The following SPAG16 variants were observed in gnomAD, a reference collection of about 807,000 sequenced individuals.
SPAG16 encodes sperm-associated antigen 16 protein.
In SPAG16, 86 loss-of-function variants were observed where a neutral mutation model predicts 80.4. The ratio of observed to expected loss-of-function variants is 1.07; its 90% CI spans 0.90 to 1.28. The LOEUF (loss-of-function observed/expected upper bound fraction) is 1.28, where lower values mean the gene tolerates loss of function less well. Ranked by LOEUF, SPAG16 falls within the 50% of genes most tolerant of loss-of-function variation. The pLI, the probability that SPAG16 is intolerant of heterozygous loss-of-function variation, is 0.00. For missense variants in SPAG16, 870 were observed against 765.3 expected, an observed-to-expected ratio of 1.14 and a Z score of -1.61; for synonymous variants, 294 against 265.9, an observed-to-expected ratio of 1.11 and a Z score of -1.03.
At chr2:214,037,332 A>T (rs2048749653) in intron 13 of SPAG16, among the ~76,000 whole-genome samples, 1 of 152,118 alleles carries the variant, frequency 6.6e-6, no homozygotes, top group East Asian at 1.9e-4. Flanking sequence ...TTGATTATTT[A>T]TTCCAATCGT....
chr2:213,463,976 G>T (rs910399469), intron 9 of SPAG16, among the ~76,000 whole-genome samples: 2 of 152,178 alleles, frequency 1.3e-5, no homozygotes, highest in Admixed American at 1.3e-4. Context: ...CTCCCAATCT[G>T]GGCCTAGAGA....
At chr2:214,249,450 G>A (rs111977041) in intron 15 of SPAG16, among the ~76,000 whole-genome samples, 2,501 of 152,106 alleles carry the variant, frequency 0.016, 42 homozygotes, top group African/African-American at 0.038. Context: ...ATAGGGATGG[G>A]GAGGAGAAGA....
intron 15 of SPAG16, among the ~76,000 whole-genome samples, chr2:214,181,420 C>T (rs2057304402): frequency 6.6e-6 from 1 of 151,696 alleles, no homozygotes; most frequent in South Asian, 2.1e-4. Flanking sequence ...CATCCCAAGG[C>T]ATCCCAGGGG....
At chr2:213,887,548 T>G (rs2042788) in intron 11 of SPAG16, among the ~76,000 whole-genome samples, 1 of 150,956 alleles carries the variant, frequency 6.6e-6, no homozygotes. Flanking sequence ...AACTACTAAA[T>G]GTTTTCATAA....
intron 11 of SPAG16, among the ~76,000 whole-genome samples, chr2:213,928,865 T>G (rs1364108644): frequency 6.6e-6 from 1 of 151,112 alleles, no homozygotes; most frequent in East Asian, 1.9e-4. Context: ...GAAGGATGTG[T>G]AGAAGATGAT....
At chr2:213,839,884 G>A (rs942204700) in intron 10 of SPAG16, among the ~76,000 whole-genome samples, 3 of 152,134 alleles carry the variant, frequency 2.0e-5, no homozygotes, top group Non-Finnish European at 4.4e-5. Flanking sequence ...GCTGTAGAAA[G>A]GAGATGAGGA....
At chr2:213,699,462 G>T (rs1188196691) in intron 10 of SPAG16, among the ~76,000 whole-genome samples, 14 of 152,108 alleles carry the variant, frequency 9.2e-5, no homozygotes, top group Admixed American at 8.5e-4. Flanking sequence ...CCCTAGAAAA[G>T]AAATTTAAAG....
chr2:214,203,451 G>A (rs1379034641), intron 15 of SPAG16, among the ~76,000 whole-genome samples: 5 of 152,154 alleles, frequency 3.3e-5, no homozygotes, highest in Non-Finnish European at 5.9e-5. Context: ...TTTGAAGGAA[G>A]CAGAGCTGCT....
chr2:214,041,845 C>T (rs1391094309), intron 13 of SPAG16, among the ~76,000 whole-genome samples: 3 of 150,272 alleles, frequency 2.0e-5, no homozygotes, highest in Admixed American at 1.3e-4. Context: ...ACAATAACAC[C>T]TTGTGGGAGG....
At chr2:213,555,983 G>A (rs2059411897) in intron 10 of SPAG16, among the ~76,000 whole-genome samples, 1 of 152,022 alleles carries the variant, frequency 6.6e-6, no homozygotes, top group Non-Finnish European at 1.5e-5. Flanking sequence ...TTTATTTTAT[G>A]CAATCAAAGT....
At chr2:214,262,408 G>T (rs1052117964) in intron 15 of SPAG16, among the ~76,000 whole-genome samples, 1 of 151,846 alleles carries the variant, frequency 6.6e-6, no homozygotes, top group South Asian at 2.1e-4. Context: ...CGTAAAAAAA[G>T]ATTTCATGTA....
chr2:214,039,657 A>G (rs1384273978), intron 13 of SPAG16, among the ~76,000 whole-genome samples: 2 of 152,200 alleles, frequency 1.3e-5, no homozygotes, highest in African/African-American at 2.4e-5. Context: ...TTTCCATAGC[A>G]TTGATCCTTG....
At chr2:213,516,920 A>G (rs1437375948) in intron 10 of SPAG16, among the ~76,000 whole-genome samples, 1 of 152,204 alleles carries the variant, frequency 6.6e-6, no homozygotes, top group East Asian at 1.9e-4. Flanking sequence ...ACTGTGATCT[A>G]CCATCACCGT....
chr2:214,323,876 T>G (rs968672128), intron 15 of SPAG16, among the ~76,000 whole-genome samples: 3 of 152,204 alleles, frequency 2.0e-5, no homozygotes, highest in Non-Finnish European at 4.4e-5. Flanking sequence ...ATAAGAAAGG[T>G]AAGAAACATT....
chr2:214,203,936 A>T (rs77537682), intron 15 of SPAG16, among the ~76,000 whole-genome samples: 12,193 of 152,140 alleles, frequency 0.08, 1,105 homozygotes, highest in East Asian at 0.41. Flanking sequence ...TGTTGGAGCA[A>T]GTTCTCAGCT....
At chr2:214,077,183 C>T (rs1319562479) in intron 13 of SPAG16, among the ~76,000 whole-genome samples, 1 of 152,096 alleles carries the variant, frequency 6.6e-6, no homozygotes, top group East Asian at 1.9e-4. Context: ...TAATAACAGG[C>T]AACCACAACC....
At position 213,467,556 on chromosome 2, in the gene SPAG16, A is replaced by C. The variant is rs571175756; in HGVS notation, c.943-22407A>C. On this transcript the variant is annotated intron_variant, in intron 9 of 15. Coordinates refer to ENST00000331683, the MANE Select transcript of SPAG16 (RefSeq NM_024532.5). The stretch of plus-strand genomic sequence containing the variant: ...ATGCCCCTCATAGGCATGCTAAGGG[A>C]GGAGGGGAGGCCTGGACTGGAGAGG... Among the ~76,000 whole-genome samples the C allele has an allele frequency of 7.2e-5, 11 of 152,250 alleles. 1 individual carries two copies. The highest frequency in any genetic ancestry group is 2.6e-4 in the African/African-American group (11 of 41,560).
intron 13 of SPAG16, among the ~76,000 whole-genome samples, chr2:214,020,696 A>G: frequency 6.6e-6 from 1 of 152,164 alleles, no homozygotes; most frequent in East Asian, 1.9e-4. Flanking sequence ...TGCAGGCTGA[A>G]CTTTCAAATT....
intron 12 of SPAG16, among the ~76,000 whole-genome samples, chr2:213,996,620 G>T (rs1202738819): frequency 6.8e-6 from 1 of 146,024 alleles, no homozygotes; most frequent in East Asian, 2.0e-4. Flanking sequence ...TCAGGCTGGA[G>T]TGCAATGGCG....
Sources: gnomAD v4.1 joint callset for allele counts (sites outside exome capture counted in the v4.1 genomes callset) on GRCh38, gnomAD v4.1.1 for gene constraint, MANE v1.5 for transcripts, NCBI Gene and HGNC (gene_info 2026-07-23, HGNC 2026-07-21) for gene names.